LYPLAL1: variants seen among roughly 807,000 people sequenced by gnomAD.
The protein encoded by LYPLAL1 is lysophospholipase like 1, also known as lysophospholipase-like protein 1.
In LYPLAL1, 23 loss-of-function variants were observed where a neutral mutation model predicts 19.7. That is an observed-to-expected ratio of 1.17 (90% CI 0.84 to 1.65). The LOEUF (loss-of-function observed/expected upper bound fraction) is 1.65, where lower values mean the gene tolerates loss of function less well. LYPLAL1 is among the 40% of genes most tolerant of loss of function. The pLI, the probability that LYPLAL1 is intolerant of heterozygous loss-of-function variation, is 0.00. For synonymous variants in LYPLAL1, 119 were observed against 96.3 expected, an observed-to-expected ratio of 1.24 and a Z score of -1.38; for missense variants, 355 against 279.4, an observed-to-expected ratio of 1.27 and a Z score of -1.93.
At chr1:219,193,736 T>C (rs1657384596) in intron 3 of LYPLAL1, among the ~76,000 whole-genome samples, 1 of 151,884 alleles carries the variant, frequency 6.6e-6, no homozygotes, top group East Asian at 1.9e-4. Flanking sequence ...TATAAGTAGC[T>C]TTATATAAGC....
chr1:219,358,034 AT>A, the LYPLAL1 span, among the ~76,000 whole-genome samples: 1 of 152,170 alleles, frequency 6.6e-6, no homozygotes, highest in Admixed American at 6.5e-5. Flanking sequence ...CACAGGAGAC[AT>A]TTTGGGGTGG....
chr1:219,266,442 A>G, the LYPLAL1 span, among the ~76,000 whole-genome samples: 1 of 152,184 alleles, frequency 6.6e-6, no homozygotes, highest in African/African-American at 2.4e-5. Flanking sequence ...GTCCTTTCCT[A>G]TGATAACAAT....
chr1:219,358,833 T>G, the LYPLAL1 span, among the ~76,000 whole-genome samples: 5,141 of 148,632 alleles, frequency 0.035, 283 homozygotes, highest in African/African-American at 0.12. Flanking sequence ...CGTGTGTGTG[T>G]GCGTGTGTGT....
At chr1:219,284,951 C>T in the LYPLAL1 span, among the ~76,000 whole-genome samples, 1 of 152,042 alleles carries the variant, frequency 6.6e-6, no homozygotes, top group Non-Finnish European at 1.5e-5. Flanking sequence ...TAGTGATCAA[C>T]CAAGAGAAAA....
intron 2 of LYPLAL1, among the ~76,000 whole-genome samples, chr1:219,192,815 G>T (rs139334002): frequency 6.6e-6 from 1 of 151,656 alleles, no homozygotes; most frequent in East Asian, 1.9e-4. Flanking sequence ...AGATTCACTG[G>T]TACTGTAACT....
the LYPLAL1 span, among the ~76,000 whole-genome samples, chr1:219,441,800 G>GA: frequency 4.6e-5 from 7 of 152,130 alleles, no homozygotes; most frequent in African/African-American, 1.7e-4. Context: ...AACTTTTGAG[G>GA]AAAAATCTGC....
At chr1:219,330,273 A>T in the LYPLAL1 span, among the ~76,000 whole-genome samples, 1 of 152,324 alleles carries the variant, frequency 6.6e-6, no homozygotes, top group East Asian at 1.9e-4. Context: ...CAGGAATTTC[A>T]TGTTGACATA....
the LYPLAL1 span, among the ~76,000 whole-genome samples, chr1:219,399,199 C>A: frequency 6.6e-6 from 1 of 152,158 alleles, no homozygotes; most frequent in African/African-American, 2.4e-5. Context: ...ACTGTGCACA[C>A]AGTCACACTG....
intron 1 of LYPLAL1, chr1:219,174,202 C>T: frequency 7.1e-7 from 1 of 1,410,508 alleles, no homozygotes; most frequent in Non-Finnish European, 9.2e-7. Flanking sequence ...TGGTCCACCA[C>T]CCTCGCTTTG....
At chr1:219,290,642 G>A in the LYPLAL1 span, among the ~76,000 whole-genome samples, 2 of 151,820 alleles carry the variant, frequency 1.3e-5, no homozygotes, top group African/African-American at 2.4e-5. Context: ...TCTTACTTTC[G>A]GGAATGCCCT....
At chr1:219,318,938 A>G in the LYPLAL1 span, among the ~76,000 whole-genome samples, 1 of 152,132 alleles carries the variant, frequency 6.6e-6, no homozygotes, top group African/African-American at 2.4e-5. Context: ...CCGGGAGAAG[A>G]TGGTGTGTGC....
In LYPLAL1 at chr1:219,210,375, G is replaced by A. The variant is rs1658913712; in HGVS notation, c.362-157G>A. The A allele has an allele frequency of 1.1e-5, 5 of 471,178 alleles. No individual in the cohort carries two copies. The South Asian group carries it at 1.1e-4, about 10-fold the overall frequency. 29.2% of individuals were successfully genotyped at this position (471,178 alleles called of 1,614,324 possible). ...AGGGAACAGGGTTATTTATGTTATC[G>A]CAGGCCTTTGTCTGTGAAACTTAGA... is the stretch of plus-strand genomic sequence containing the variant. On this transcript the variant is annotated intron_variant, in intron 3 of 4. Coordinates refer to ENST00000366928, the MANE Select transcript of LYPLAL1 (RefSeq NM_138794.5).
At chr1:219,186,030 T>C (rs566264867) in intron 2 of LYPLAL1, among the ~76,000 whole-genome samples, 26 of 151,976 alleles carry the variant, frequency 1.7e-4, no homozygotes, top group Non-Finnish European at 2.8e-4. Context: ...TGGCCAGTTA[T>C]GGAAAATTTA....
At chr1:219,333,482 T>A in the LYPLAL1 span, among the ~76,000 whole-genome samples, 1 of 152,132 alleles carries the variant, frequency 6.6e-6, no homozygotes, top group East Asian at 1.9e-4. Flanking sequence ...GGGCTCCATT[T>A]CTGTGTCACC....
chr1:219,305,622 G>T, the LYPLAL1 span, among the ~76,000 whole-genome samples: 1 of 152,126 alleles, frequency 6.6e-6, no homozygotes, highest in South Asian at 2.1e-4. Flanking sequence ...CAGGATAATG[G>T]CACAATGGCA....
At chr1:219,381,316 G>A in the LYPLAL1 span, among the ~76,000 whole-genome samples, 4 of 152,204 alleles carry the variant, frequency 2.6e-5, no homozygotes, top group South Asian at 2.1e-4. Flanking sequence ...CCAGCTGTGC[G>A]AAACTGTGAG....
the LYPLAL1 span, among the ~76,000 whole-genome samples, chr1:219,311,059 C>T: frequency 3.3e-5 from 5 of 152,114 alleles, no homozygotes; most frequent in Admixed American, 1.3e-4. Context: ...ATCCATTCTA[C>T]ATTACCCACC....
At chr1:219,355,525 A>T in the LYPLAL1 span, among the ~76,000 whole-genome samples, 2 of 152,190 alleles carry the variant, frequency 1.3e-5, no homozygotes, top group African/African-American at 2.4e-5. Context: ...ACAAATCAAG[A>T]CCTGGCTAAC....
the LYPLAL1 span, among the ~76,000 whole-genome samples, chr1:219,429,014 C>G: frequency 6.6e-6 from 1 of 152,268 alleles, no homozygotes; most frequent in East Asian, 1.9e-4. Flanking sequence ...CTTATCTAGA[C>G]CAGATTTGCT....
Sources: allele counts gnomAD v4.1 joint callset (sites outside exome capture counted in the v4.1 genomes callset), GRCh38; gene constraint gnomAD v4.1.1; transcripts MANE v1.5; gene names NCBI Gene and HGNC (gene_info 2026-07-23, HGNC 2026-07-21).